Variants in DNAH14 observed in about 807,000 individuals in gnomAD.
DNAH14 encodes the protein axonemal beta dynein heavy chain 14.
DNAH14 carries 478 observed loss-of-function variants against 520.9 expected under a neutral mutation model. That is an observed-to-expected ratio of 0.92 (90% CI 0.85 to 0.99). The LOEUF (loss-of-function observed/expected upper bound fraction) is 0.99, where lower values mean the gene tolerates loss of function less well. DNAH14 is among the 50% of genes least tolerant of loss of function. The pLI, the probability that DNAH14 is intolerant of heterozygous loss-of-function variation, is 0.00. For synonymous variants in DNAH14, 1,581 were observed against 1,757.2 expected, an observed-to-expected ratio of 0.90 and a Z score of 2.51; for missense variants, 4,831 against 5,234.5, an observed-to-expected ratio of 0.92 and a Z score of 2.38.
At chr1:225,353,652 C>T in intron 72 of DNAH14, 151 bp from the exon 73 acceptor site, 1 of 580,984 alleles carries the variant, frequency 1.7e-6, no homozygotes, top group African/African-American at 1.9e-5. Context: ...TGCCTCAAAG[C>T]TTATAGAAAT....
At chr1:225,163,053 G>A (rs1319560915) in intron 35 of DNAH14, among the ~76,000 whole-genome samples, 3 of 145,188 alleles carry the variant, frequency 2.1e-5, no homozygotes, top group Non-Finnish European at 3.0e-5. Context: ...TGGGAGAATC[G>A]CTTGAACCTG....
At chr1:225,374,108 CA>C (rs1279700638) in intron 77 of DNAH14, among the ~76,000 whole-genome samples, 5 of 91,230 alleles carry the variant, frequency 5.5e-5, no homozygotes, top group Non-Finnish European at 6.2e-5. Context: ...GACCCTGTCT[CA>C]AAAAAAAAGG....
intron 21 of DNAH14, 60 bp from the exon 22 acceptor site, chr1:225,097,058 C>T: frequency 7.3e-7 from 1 of 1,378,540 alleles, no homozygotes; most frequent in Non-Finnish European, 9.7e-7. Context: ...TGTTATGTAA[C>T]TCTTAAAGAA....
upstream of DNAH14, chr1:224,929,669 C>T (rs2058544306): frequency 5.7e-6 from 4 of 702,356 alleles, no homozygotes; most frequent in Admixed American, 8.0e-5. Context: ...GCAGGCGTGG[C>T]TCTTGGTCAG....
chr1:225,386,077 A>G (rs949624414), intron 81 of DNAH14, among the ~76,000 whole-genome samples: 3 of 152,214 alleles, frequency 2.0e-5, no homozygotes, highest in Non-Finnish European at 2.9e-5. Flanking sequence ...ATAGTGCCAC[A>G]TATCTACAAC....
At chr1:225,360,989 A>G in intron 75 of DNAH14, 98 bp downstream of exon 75, 1 of 1,119,164 alleles carries the variant, frequency 8.9e-7, no homozygotes. Context: ...AAACAATAGC[A>G]AAATAATGTG....
chr1:225,274,389 G>A (rs1298943786), intron 52 of DNAH14, among the ~76,000 whole-genome samples: 1 of 151,234 alleles, frequency 6.6e-6, no homozygotes, highest in Non-Finnish European at 1.5e-5. Context: ...TGTATTTTTA[G>A]TAGAGACGGG....
intron 71 of DNAH14, 92 bp from the exon 72 acceptor site, chr1:225,351,555 A>G (rs931952543): frequency 1.4e-6 from 1 of 738,098 alleles, no homozygotes; most frequent in Non-Finnish European, 2.1e-6. Context: ...TAGCCTTAAC[A>G]GTACATCTTT....
Position 225,264,272 on chromosome 1 carries a change from T to C in DNAH14, c.7222+11T>C, listed in dbSNP as rs2149788786. The C allele has an allele frequency of 6.5e-7, 1 of 1,541,534 alleles. No individual in the cohort carries two copies. The highest frequency in any genetic ancestry group is 8.8e-7 in the Non-Finnish European group (1 of 1,139,182). On this transcript the variant is annotated intron_variant, in intron 47 of 85. Coordinates refer to ENST00000682510, the MANE Select transcript of DNAH14 (RefSeq NM_001367479.1). ...CAACTGGAAGTTCAGGTATATATTATAGTACAGTTTCAAAGCTATGCTATG... is the reference window on the plus strand; with the variant it reads ...CAACTGGAAGTTCAGGTATATATTACAGTACAGTTTCAAAGCTATGCTATG...
At chr1:225,385,393 AG>A (rs2095829358) in intron 81 of DNAH14, among the ~76,000 whole-genome samples, 1 of 152,230 alleles carries the variant, frequency 6.6e-6, no homozygotes, top group Non-Finnish European at 1.5e-5. Flanking sequence ...GTCAGGCAAG[AG>A]AAAGAAATAA....
chr1:225,363,726 T>C (rs921108976), intron 75 of DNAH14, among the ~76,000 whole-genome samples: 1 of 152,206 alleles, frequency 6.6e-6, no homozygotes. Flanking sequence ...GCCTATAATC[T>C]ACACACATCC....
chr1:225,253,327 A>C (rs2092623392), intron 44 of DNAH14, among the ~76,000 whole-genome samples: 1 of 152,172 alleles, frequency 6.6e-6, no homozygotes, highest in South Asian at 2.1e-4. Context: ...TCCACATCTT[A>C]GTATACCACT....
At position 225,055,895 on chromosome 1, in the gene DNAH14, A is replaced by G. The variant is rs528464363; in HGVS notation, c.2424+4100A>G. ...ATTTTTTATGGCTGCATAGTATTCCATGGTATATATGTGCCACATTTTCTT... is the reference window on the plus strand; with the variant it reads ...ATTTTTTATGGCTGCATAGTATTCCGTGGTATATATGTGCCACATTTTCTT... On this transcript the variant is annotated intron_variant, in intron 17 of 85. Transcript: ENST00000682510. Among the ~76,000 whole-genome samples the G allele has an allele frequency of 1.4e-3, 217 of 152,242 alleles. 1 individual carries two copies. The highest frequency in any genetic ancestry group is 4.8e-3 in the African/African-American group (201 of 41,544).
chr1:225,217,718 C>A (rs536788371), intron 41 of DNAH14, among the ~76,000 whole-genome samples: 3 of 152,312 alleles, frequency 2.0e-5, no homozygotes, highest in Non-Finnish European at 4.4e-5. Flanking sequence ...TGGATATAAT[C>A]TCCTGGTGTG....
At chr1:225,050,865 T>C (rs1196689442) in intron 16 of DNAH14, among the ~76,000 whole-genome samples, 1 of 152,226 alleles carries the variant, frequency 6.6e-6, no homozygotes, top group Non-Finnish European at 1.5e-5. Flanking sequence ...GGGTGGTTTC[T>C]AGATGAAACT....
chr1:224,968,672 C>A, intron 6 of DNAH14, 87 bp from the exon 7 acceptor site: 1 of 825,390 alleles, frequency 1.2e-6, no homozygotes, highest in Non-Finnish European at 1.8e-6. Context: ...AAGAAGTTAT[C>A]AGCCAAATAC....
chr1:225,082,629 C>G lies in DNAH14; in HGVS notation c.3217C>G (p.Leu1073Val). 1 of 1,551,644 alleles carries G rather than the reference C, an allele frequency of 6.4e-7. No homozygotes were observed. The highest frequency in any genetic ancestry group is 1.4e-5 in the African/African-American group (1 of 73,164). ...ACAAGAGCTGCCTATCATTATAGCTCTGGGAAATCCCTGTCTCAAGCCAAG... is the reference window on the plus strand; with the variant it reads ...ACAAGAGCTGCCTATCATTATAGCTGTGGGAAATCCCTGTCTCAAGCCAAG... ...FKQELPIIIA[L>V]GNPCLKPRHW... Residue 1073 changes from leucine (L) to valine (V), a missense_variant, in exon 20 of 86, where the codon CTG becomes GTG. By Grantham distance (32) the Leu-to-Val change is conservative. Coordinates refer to ENST00000682510, the MANE Select transcript of DNAH14 (RefSeq NM_001367479.1).
At chr1:224,991,811 G>T (rs2489334) in intron 8 of DNAH14, among the ~76,000 whole-genome samples, 14,560 of 152,054 alleles carry the variant, frequency 0.096, 2,252 homozygotes, top group African/African-American at 0.33. Context: ...ATGGACATTT[G>T]GGTTGATTCC....
At chr1:224,957,992 A>G (rs1263106499) in intron 3 of DNAH14, among the ~76,000 whole-genome samples, 1 of 152,122 alleles carries the variant, frequency 6.6e-6, no homozygotes, top group Non-Finnish European at 1.5e-5. Context: ...GACGTGATCT[A>G]AACAAAATGT....
Sources: gnomAD v4.1 joint callset for allele counts (sites outside exome capture counted in the v4.1 genomes callset) on GRCh38, gnomAD v4.1.1 for gene constraint, MANE v1.5 for transcripts, NCBI Gene and HGNC (gene_info 2026-07-23, HGNC 2026-07-21) for gene names.